DCLK3: variants seen among roughly 807,000 people sequenced by gnomAD.
DCLK3 encodes serine/threonine-protein kinase DCLK3.
A neutral mutation model predicts 46.4 loss-of-function variants in DCLK3; 30 were observed. The observed-to-expected ratio is 0.65, with a 90% CI of 0.48 to 0.88. DCLK3 has a LOEUF of 0.88. Among genes scored for constraint, DCLK3 ranks in the 40% least tolerant of loss-of-function variants. The pLI, the probability that DCLK3 is intolerant of heterozygous loss-of-function variation, is 0.00. For missense variants in DCLK3, 846 were observed against 907.1 expected (o/e 0.93, Z 0.87); for synonymous variants, 401 against 339.2 (o/e 1.18, Z -2.00).
At chr3:36,751,061 TCTA>T (rs1335730471) in intron 1 of DCLK3, among the ~76,000 whole-genome samples, 9 of 28,230 alleles carry the variant, frequency 3.2e-4, no homozygotes, top group Admixed American at 5.9e-4. Flanking sequence ...GACGGGATGA[TCTA>T]AAAAAAAAAA....
intron 1 of DCLK3, among the ~76,000 whole-genome samples, chr3:36,740,124 T>A: frequency 7.2e-6 from 1 of 138,324 alleles, no homozygotes; most frequent in South Asian, 2.2e-4. Context: ...TTGCATTTCT[T>A]TTTTTTTTTT....
Position 36,738,751 on chromosome 3 carries a change from T to A in DCLK3, c.416A>T (p.Lys139Met), listed in dbSNP as rs549785436. Residue 139 changes from lysine to methionine, a missense_variant, in exon 2 of 5, where the codon AAG (lysine) becomes ATG (methionine). By Grantham distance (95) the Lys-to-Met change is moderately conservative. This residue lies in a region of DCLK3 where 553 missense variants were observed against 543.0 expected (regional missense o/e 1.02). Coordinates refer to ENST00000636136, the MANE Select transcript of DCLK3 (RefSeq NM_001394672.2). ...ISEALGSPRW[K>M]NDRVRKLFNL... ...AAACAGTTTCCTCACACGGTCATTC[T>A]TCCATCTGGGAGAGCCCAAGGCTTC... 3 of 1,301,126 alleles carry A rather than the reference T, an allele frequency of 2.3e-6. No individual in the cohort carries two copies. The South Asian group carries it at 9.3e-5, about 40-fold the overall frequency. 80.6% of individuals were successfully genotyped at this position (1,301,126 alleles called of 1,614,324 possible). A position where few individuals can be genotyped will look rare whatever the true frequency, so the allele number is the denominator to read the frequency against.
At chr3:36,739,751 C>T (rs1373868290) in intron 1 of DCLK3, 1 of 152,230 alleles carries the variant, frequency 6.6e-6, no homozygotes, top group Non-Finnish European at 1.5e-5. Context: ...CACGGTGAGG[C>T]CTGACTCTGT....
intron 1 of DCLK3, among the ~76,000 whole-genome samples, chr3:36,755,171 G>C (rs1701475075): frequency 6.6e-6 from 1 of 152,186 alleles, no homozygotes; most frequent in Non-Finnish European, 1.5e-5. Context: ...TTAAATGACT[G>C]TCCATTCCAG....
intron 1 of DCLK3, among the ~76,000 whole-genome samples, chr3:36,760,392 C>A (rs1216255510): frequency 6.6e-6 from 1 of 151,214 alleles, no homozygotes. Flanking sequence ...AACCAAACAC[C>A]GCATTTTCTC....
rs994823189 is a variant in DCLK3 at position 36,714,170 on chromosome 3, A to C, written c.*1158T>G. On this transcript the variant is annotated 3_prime_UTR_variant, in exon 5 of 5. Transcript: ENST00000636136. ...TCCTTTGTGCTTCTTCCATTTTCCAAAACCTGATTAAGCAATTCCTTATGT... is the reference window on the plus strand; with the variant it reads ...TCCTTTGTGCTTCTTCCATTTTCCACAACCTGATTAAGCAATTCCTTATGT... The C allele has an allele frequency of 1.3e-5, 2 of 152,178 alleles. No individual in the cohort carries two copies. The highest frequency in any genetic ancestry group is 6.5e-5 in the Admixed American group (1 of 15,274). The allele number at this position is 152,178 out of a possible 1,614,324, so 9.4% of individuals were successfully genotyped here.
In DCLK3 at chr3:36,737,478, G is replaced by A. The variant is rs746104762; in HGVS notation, c.1689C>T (p.Gly563=). The A allele has an allele frequency of 3.2e-5, 52 of 1,614,032 alleles. No homozygotes were observed. Among genetic ancestry groups the A allele is most frequent in the Non-Finnish European group, 4.4e-5 (52 of 1,180,024 alleles). ...TCTCACTGTCCACCATGTCCTCCTTGCCCTTGAGTCTGGACTTGTCAATGA... is the reference window on the plus strand; with the variant it reads ...TCTCACTGTCCACCATGTCCTCCTTACCCTTGAGTCTGGACTTGTCAATGA... ...MKIIDKSRLK[G]KEDMVDSEIL... is the part of the protein sequence containing the mutation. Residue 563 remains glycine, a synonymous_variant, in exon 2 of 5, where the codon GGC becomes GGT. Transcript: ENST00000636136. This position sits in a 1 kb window ranked among gnomAD's most constrained non-coding sequence, Gnocchi z 4.4.
intron 4 of DCLK3, among the ~76,000 whole-genome samples, chr3:36,716,486 A>G (rs1360798253): frequency 6.6e-6 from 1 of 152,152 alleles, no homozygotes; most frequent in Non-Finnish European, 1.5e-5. Flanking sequence ...TCACTCCCTC[A>G]GGGTCCTCAA....
At chr3:36,762,942 C>CT (rs890464014) in intron 1 of DCLK3, among the ~76,000 whole-genome samples, 256 of 147,744 alleles carry the variant, frequency 1.7e-3, no homozygotes, top group African/African-American at 5.0e-3. Flanking sequence ...ATACTCTTTT[C>CT]TTTTTTTTTT....
At chr3:36,729,141 C>T (rs910856875) in intron 2 of DCLK3, among the ~76,000 whole-genome samples, 3 of 151,946 alleles carry the variant, frequency 2.0e-5, no homozygotes, top group Non-Finnish European at 2.9e-5. Context: ...CTCGGCTGAC[C>T]AGGCACTGGG....
chr3:36,764,241 G>A lies in DCLK3; in HGVS notation c.23C>T (p.Pro8Leu). MPAATPA[P>L]QPPPPPARPA... ...CCGGGCCGGGGGCGGCGGCGGCTGC[G>A]GGGCTGGAGTGGCGGCGGGCATGGC... The change falls in exon 1 of 5, where the codon CCG (proline) becomes CTG (leucine). Residue 8 changes from proline to leucine, a missense_variant. By Grantham distance (98) the Pro-to-Leu change is moderately conservative. Around this residue, in one of 3 missense-constraint regions of DCLK3, gnomAD observed 553 missense variants for 543.0 expected, o/e 1.02. Coordinates refer to ENST00000636136, the MANE Select transcript of DCLK3 (RefSeq NM_001394672.2). The surrounding 1 kb of genome is among the most constrained non-coding windows in gnomAD (Gnocchi z 4.9). 3.3e-6 allele frequency: 1 copy of A among 306,510 alleles called. No individual in the cohort carries two copies. The highest frequency in any genetic ancestry group is 6.0e-6 in the Non-Finnish European group (1 of 167,352). 19.0% of individuals were successfully genotyped at this position (306,510 alleles called of 1,614,324 possible).
At position 36,737,545 on chromosome 3, in the gene DCLK3, T is replaced by A; in HGVS notation, c.1622A>T (p.Glu541Val). 3 of 1,614,164 alleles carry A rather than the reference T, an allele frequency of 1.9e-6. No homozygotes were observed. The highest frequency in any genetic ancestry group is 2.5e-6 in the Non-Finnish European group (3 of 1,180,042). ...IGDGNFAVVK[E>V]CRHRETRQAY... is the part of the protein sequence containing the mutation. ...CTGCCTGGTCTCGCGGTGTCTGCAC[T>A]CCTTCACGACAGCAAAGTTCCCATC... is the stretch of plus-strand genomic sequence containing the variant. The change falls in exon 2 of 5, where the codon GAG becomes GTG. Residue 541 changes from glutamate (E) to valine (V), a missense_variant. Around this residue, in one of 3 missense-constraint regions of DCLK3, gnomAD observed 247 missense variants for 322.8 expected, o/e 0.77. Coordinates refer to ENST00000636136, the MANE Select transcript of DCLK3 (RefSeq NM_001394672.2). This position sits in a 1 kb window ranked among gnomAD's most constrained non-coding sequence, Gnocchi z 4.4.
chr3:36,725,039 G>A (rs1340887252), intron 2 of DCLK3, among the ~76,000 whole-genome samples: 1 of 151,852 alleles, frequency 6.6e-6, no homozygotes, highest in African/African-American at 2.4e-5. Flanking sequence ...AATGGGCCGG[G>A]CTCGGTGGCT....
chr3:36,729,560 G>A (rs531012866), intron 2 of DCLK3, among the ~76,000 whole-genome samples: 1 of 152,170 alleles, frequency 6.6e-6, no homozygotes. Flanking sequence ...GCTTCAAGAA[G>A]AATCTTTATT....
At position 36,715,174 on chromosome 3, in the gene DCLK3, A is replaced by T; in HGVS notation, c.*154T>A. 6.0e-6 allele frequency: 5 copies of T among 834,086 alleles called. No individual in the cohort carries two copies. The highest frequency in any genetic ancestry group is 8.7e-6 in the Non-Finnish European group (5 of 574,372). 51.7% of individuals were successfully genotyped at this position (834,086 alleles called of 1,614,324 possible). A position where few individuals can be genotyped will look rare whatever the true frequency, so the allele number is the denominator to read the frequency against. ...TGTTGTGACATTTAACATTGACTTA[A>T]TTTTTTTAATATGCTTTAAAATATA... On this transcript the variant is annotated 3_prime_UTR_variant, in exon 5 of 5. Coordinates refer to ENST00000636136, the MANE Select transcript of DCLK3 (RefSeq NM_001394672.2).
At chr3:36,719,701 A>G (rs531610935) in intron 3 of DCLK3, among the ~76,000 whole-genome samples, 144 of 152,318 alleles carry the variant, frequency 9.5e-4, no homozygotes, top group Non-Finnish European at 1.8e-3. Flanking sequence ...CCACATGTTC[A>G]GCTCACAGCT....
chr3:36,742,173 C>T (rs1483930330), intron 1 of DCLK3, among the ~76,000 whole-genome samples: 4 of 152,036 alleles, frequency 2.6e-5, no homozygotes, highest in East Asian at 1.9e-4. Context: ...GACAAAGAGG[C>T]CCAAATTACA....
At chr3:36,752,650 G>A (rs1023456024) in intron 1 of DCLK3, among the ~76,000 whole-genome samples, 1 of 152,124 alleles carries the variant, frequency 6.6e-6, no homozygotes, top group Non-Finnish European at 1.5e-5. Context: ...GTTCAGGTCT[G>A]TGATGGATCT....
intron 1 of DCLK3, among the ~76,000 whole-genome samples, chr3:36,747,706 A>C (rs1352435323): frequency 6.6e-6 from 1 of 152,198 alleles, no homozygotes; most frequent in Non-Finnish European, 1.5e-5. Context: ...CTTTTCTTGC[A>C]TCTGCTGTTC....
Sources: gnomAD v4.1 joint callset for allele counts (sites outside exome capture counted in the v4.1 genomes callset) on GRCh38, gnomAD v4.1.1 for gene constraint, gnomAD v4.1.1 regional missense constraint, Gnocchi (gnomAD v3.1) non-coding constraint, MANE v1.5 for transcripts, NCBI Gene and HGNC (gene_info 2026-07-23, HGNC 2026-07-21) for gene names.